Variants in HPR observed in about 807,000 individuals in gnomAD.
HPR encodes haptoglobin-related protein.
A neutral mutation model predicts 18.5 loss-of-function variants in HPR; 17 were observed. The ratio of observed to expected loss-of-function variants is 0.92; its 90% confidence interval spans 0.63 to 1.38. HPR has a LOEUF of 1.38. Ranked by LOEUF, HPR falls within the 40% of genes most tolerant of loss-of-function variation. HPR has a pLI of 0.00. For synonymous variants in HPR, 176 were observed against 165.0 expected (o/e 1.07, Z -0.51); for missense variants, 457 against 432.4 (o/e 1.06, Z -0.51).
intron 1 of HPR, among the ~76,000 whole-genome samples, chr16:72,067,414 A>T (rs951950347): frequency 3.9e-5 from 6 of 152,168 alleles, no homozygotes; most frequent in African/African-American, 1.4e-4. Context: ...AGACTAAACA[A>T]CCCAGGTTCA....
Position 72,076,839 on chromosome 16 carries a change from C to G in HPR, c.805C>G (p.Pro269Ala), listed in dbSNP as rs760145589. The change falls in exon 5 of 5, where the codon CCT (proline) becomes GCT (alanine). Residue 269 changes from proline to alanine, a missense_variant. Transcript: ENST00000540303. ...CCCCAAATGGAAGGCACCGAAGAGC[C>G]CTGTAGGGGTGCAGCCCATACTGAA... ...TCPKWKAPKSPVGVQPILNEH... is the reference protein window; with the variant it reads ...TCPKWKAPKSAVGVQPILNEH... 1.2e-6 allele frequency: 2 copies of G among 1,614,206 alleles called. No homozygotes were observed. Among genetic ancestry groups the G allele is most frequent in the South Asian group, 1.1e-5 (1 of 91,084 alleles).
rs1567591641 is a variant in HPR, at chr16:72,076,858, TACTGAACGAACAC to T, written c.827_839del (p.Leu276ProfsTer38). 1 of 1,614,226 alleles carries T rather than the reference TACTGAACGAACAC, an allele frequency of 6.2e-7. No homozygotes were observed. ...AAGAGCCCTGTAGGGGTGCAGCCCA[TACTGAACGAACAC>T]ACCTTCTGTGTCGGCATGTCTAAGT... On this transcript the variant is annotated frameshift_variant, in exon 5 of 5. Transcript: ENST00000540303. LOFTEE classifies it high-confidence loss of function.
At chr16:72,065,478 T>A (rs2144060186) in intron 1 of HPR, among the ~76,000 whole-genome samples, 1 of 152,010 alleles carries the variant, frequency 6.6e-6, no homozygotes, top group South Asian at 2.1e-4. Context: ...ATAAGAAGGA[T>A]GAAAATAGTA....
chr16:72,075,165 A>C lies in HPR; in HGVS notation c.214A>C (p.Lys72Gln). The change falls in exon 4 of 5, where the codon AAG (lysine) becomes CAG (glutamine). Residue 72 changes from lysine to glutamine, a missense_variant. Transcript: ENST00000540303. ...TTCAGGAGTATACACCTTAAATGATAAGAAGCAGTGGATAAATAAGGCTGT... is the reference window on the plus strand; with the variant it reads ...TTCAGGAGTATACACCTTAAATGATCAGAAGCAGTGGATAAATAAGGCTGT... ...EGDGVYTLND[K>Q]KQWINKAVGD... 7.1e-7 allele frequency: 1 copy of C among 1,402,402 alleles called. No homozygotes were observed. 86.9% of individuals were successfully genotyped at this position (1,402,402 alleles called of 1,614,324 possible). A position where few individuals can be genotyped will look rare whatever the true frequency, so the allele number is the denominator to read the frequency against.
rs192132222 is a variant in HPR at position 72,074,083 on chromosome 16, C to A, written c.91+106C>A. 1.4e-4 allele frequency: 205 copies of A among 1,477,738 alleles called. No homozygotes were observed. In the Admixed American group the frequency reaches 2.3e-3, roughly 16 times the overall value. 91.5% of individuals were successfully genotyped at this position (1,477,738 alleles called of 1,614,324 possible). On this transcript the variant is annotated intron_variant, in intron 2 of 4. Coordinates refer to ENST00000540303, the MANE Select transcript of HPR (RefSeq NM_020995.4). The stretch of plus-strand genomic sequence containing the variant: ...CTTTGAGAACACACAGTTCCCCATT[C>A]TTATCCTGACCTCTGGGCTTTCAGG...
chr16:72,074,873 G>C (rs531182879), intron 3 of HPR: 202 of 660,408 alleles, frequency 3.1e-4, no homozygotes, highest in African/African-American at 3.0e-3. Flanking sequence ...AAGAGGCAGA[G>C]TCAGGATTTG....
intron 3 of HPR, 82 bp downstream of exon 3, chr16:72,074,467 T>C (rs152835): frequency 5.0e-5 from 62 of 1,250,342 alleles, no homozygotes; most frequent in South Asian, 3.8e-4. Flanking sequence ...TGAGGTGATT[T>C]GCCAGAAAGT....
At position 72,074,112 on chromosome 16, in the gene HPR, G is replaced by C. The variant is rs753370433; in HGVS notation, c.91+135G>C. The C allele has an allele frequency of 5.2e-6, 7 of 1,349,354 alleles. No individual in the cohort carries two copies. The East Asian group carries it at 1.7e-4, about 32-fold the overall frequency. The allele number at this position is 1,349,354 out of a possible 1,614,324, so 83.6% of individuals were successfully genotyped here. A position where few individuals can be genotyped will look rare whatever the true frequency, so the allele number is the denominator to read the frequency against. On this transcript the variant is annotated intron_variant, in intron 2 of 4. Coordinates refer to ENST00000540303, the MANE Select transcript of HPR (RefSeq NM_020995.4). Reference sequence around the variant, plus strand: ...TCCTGACCTCTGGGCTTTCAGGACTGCCAAGAACATTGGGGATCCTGCCAG... The same window carrying C: ...TCCTGACCTCTGGGCTTTCAGGACTCCCAAGAACATTGGGGATCCTGCCAG...
intron 1 of HPR, among the ~76,000 whole-genome samples, chr16:72,067,803 C>T (rs765536263): frequency 6.6e-6 from 1 of 152,156 alleles, no homozygotes; most frequent in Non-Finnish European, 1.5e-5. Context: ...ATGGGTCATA[C>T]CGGCTGGTGA....
chr16:72,071,208 A>C (rs1488772235), intron 1 of HPR, among the ~76,000 whole-genome samples: 1 of 152,212 alleles, frequency 6.6e-6, no homozygotes, highest in Non-Finnish European at 1.5e-5. Context: ...TCTCCAAAAC[A>C]ACCCAACTAA....
At chr16:72,075,829 CTTTCTT>C (rs1340492889) in intron 4 of HPR, among the ~76,000 whole-genome samples, 13 of 149,502 alleles carry the variant, frequency 8.7e-5, no homozygotes, top group Admixed American at 8.7e-4. Context: ...TTTTTTCTTT[CTTTCTT>C]TTTTTTTTTT....
chr16:72,074,374 C>A lies in HPR; in HGVS notation c.182C>A (p.Thr61Lys). 6.2e-7 allele frequency: 1 copy of A among 1,612,012 alleles called. No individual in the cohort carries two copies. Among genetic ancestry groups the A allele is most frequent in the African/African-American group, 1.3e-5 (1 of 75,000 alleles). ...TGTAAGAACTACTACAGACTGCGCA[C>A]AGAAGGAGATGGTAAGACCTGGACA... ...YQCKNYYRLR[T>K]EGDGVYTLND... The change falls in exon 3 of 5, where the codon ACA (threonine) becomes AAA (lysine). Residue 61 changes from threonine to lysine, a missense_variant. Physicochemically the swap from Thr to Lys is moderately conservative, Grantham distance 78 (BLOSUM62 -1). Coordinates refer to ENST00000540303, the MANE Select transcript of HPR (RefSeq NM_020995.4).
chr16:72,074,194 G>A (rs2000999), intron 2 of HPR, 90 bp from the exon 3 acceptor site: 265,571 of 1,287,932 alleles, frequency 0.21, 31,177 homozygotes, highest in South Asian at 0.39. Flanking sequence ...GGAGATTGAT[G>A]TGCAGAGCAG....
Position 72,074,371 on chromosome 16 carries a change from G to C in HPR, c.179G>C (p.Arg60Pro). The C allele has an allele frequency of 6.2e-7, 1 of 1,612,182 alleles. No homozygotes were observed. The highest frequency in any genetic ancestry group is 8.5e-7 in the Non-Finnish European group (1 of 1,178,326). The change falls in exon 3 of 5, where the codon CGC becomes CCC. Residue 60 changes from arginine (R) to proline (P), a missense_variant. Arg to Pro is a moderately radical substitution (Grantham distance 103). Coordinates refer to ENST00000540303, the MANE Select transcript of HPR (RefSeq NM_020995.4). ...RYQCKNYYRL[R>P]TEGDGVYTLN... ...CAGTGTAAGAACTACTACAGACTGC[G>C]CACAGAAGGAGATGGTAAGACCTGG...
In HPR at chr16:72,076,641, A is replaced by G; in HGVS notation, c.607A>G (p.Arg203Gly). ...KLKQKVLVNE[R>G]VMPICLPSKN... Reference sequence around the variant, plus strand: ...CAAACAGAAGGTGCTTGTTAATGAGAGAGTGATGCCCATCTGCCTACCTTC... The same window carrying G: ...CAAACAGAAGGTGCTTGTTAATGAGGGAGTGATGCCCATCTGCCTACCTTC... Residue 203 changes from arginine (R) to glycine (G), a missense_variant, in exon 5 of 5, where the codon AGA (arginine) becomes GGA (glycine). Physicochemically the swap from Arg to Gly is moderately radical, Grantham distance 125 (BLOSUM62 -2). Transcript: ENST00000540303. The G allele has an allele frequency of 1.2e-6, 2 of 1,614,178 alleles. No individual in the cohort carries two copies. The highest frequency in any genetic ancestry group is 1.7e-6 in the Non-Finnish European group (2 of 1,180,042).
intron 1 of HPR, among the ~76,000 whole-genome samples, chr16:72,071,944 C>T (rs1444765030): frequency 2.6e-5 from 4 of 152,106 alleles, no homozygotes; most frequent in Admixed American, 6.5e-5. Context: ...TTTGAATCCA[C>T]GTTCTTCTGG....
At chr16:72,066,460 T>C (rs1322629875) in intron 1 of HPR, among the ~76,000 whole-genome samples, 1 of 152,004 alleles carries the variant, frequency 6.6e-6, no homozygotes, top group Non-Finnish European at 1.5e-5. Flanking sequence ...CAAGCAAGAC[T>C]CCTGGTGGGA....
At chr16:72,063,487 C>T (rs1381206918) in intron 1 of HPR, among the ~76,000 whole-genome samples, 1 of 152,096 alleles carries the variant, frequency 6.6e-6, no homozygotes, top group Non-Finnish European at 1.5e-5. Flanking sequence ...GTGTCTTTTT[C>T]CTTGAGGTTA....
chr16:72,075,267 G>A (rs1397014676), intron 4 of HPR, 48 bp downstream of exon 4: 14 of 1,055,648 alleles, frequency 1.3e-5, no homozygotes, highest in Non-Finnish European at 1.8e-5. Context: ...GGCGTCCAGC[G>A]GGGAACGTCC....
Sources: gnomAD v4.1 joint callset for allele counts (sites outside exome capture counted in the v4.1 genomes callset) on GRCh38, gnomAD v4.1.1 for gene constraint, MANE v1.5 for transcripts, NCBI Gene and HGNC (gene_info 2026-07-23, HGNC 2026-07-21) for gene names.